Variants in AGBL4 observed in about 807,000 individuals in gnomAD.
AGBL4 encodes the protein AGBL carboxypeptidase 4, also known as cytosolic carboxypeptidase 6.
A neutral mutation model predicts 66.4 loss-of-function variants in AGBL4; 58 were observed. The observed-to-expected ratio is 0.87, with a 90% confidence interval of 0.71 to 1.09. The LOEUF is 1.09. Among genes scored for constraint, AGBL4 ranks in the 50% least tolerant of loss-of-function variants. The pLI is 0.00. For missense variants in AGBL4, 579 were observed against 631.0 expected (o/e 0.92, Z 0.88); for synonymous variants, 234 against 222.9 (o/e 1.05, Z -0.44).
At position 48,533,309 on chromosome 1, in the gene AGBL4, A is replaced by G. The variant is rs992092966; in HGVS notation, c.*864T>C. 1.3e-5 allele frequency: 2 copies of G among 152,130 alleles called. No individual in the cohort carries two copies. The highest frequency in any genetic ancestry group is 4.8e-5 in the African/African-American group (2 of 41,426). 9.4% of individuals were successfully genotyped at this position (152,130 alleles called of 1,614,324 possible). The stretch of plus-strand genomic sequence containing the variant: ...AGCTTGCCACACCTTGGGAATTGCT[A>G]CTACTGTTTTATTTTATCATTCCTC... On this transcript the variant is annotated 3_prime_UTR_variant, in exon 14 of 14. Transcript: ENST00000371839.
At chr1:49,975,856 G>A (rs1168747636) in intron 1 of AGBL4, among the ~76,000 whole-genome samples, 2 of 152,136 alleles carry the variant, frequency 1.3e-5, no homozygotes, top group Non-Finnish European at 2.9e-5. Context: ...CTACTACTAA[G>A]ACCATTATTG....
At chr1:49,750,884 CTGTT>C (rs757638253) in intron 2 of AGBL4, among the ~76,000 whole-genome samples, 9 of 152,270 alleles carry the variant, frequency 5.9e-5, no homozygotes, top group South Asian at 2.1e-4. Flanking sequence ...AGTTGGCTCT[CTGTT>C]TGTCTATTAT....
chr1:48,722,944 T>C (rs1191950056), intron 6 of AGBL4, among the ~76,000 whole-genome samples: 1 of 152,170 alleles, frequency 6.6e-6, no homozygotes, highest in Non-Finnish European at 1.5e-5. Context: ...ACTTAACTCT[T>C]GACATAATCC....
chr1:48,878,447 A>G (rs1283797811), intron 5 of AGBL4, among the ~76,000 whole-genome samples: 2 of 152,180 alleles, frequency 1.3e-5, no homozygotes, highest in Non-Finnish European at 2.9e-5. Flanking sequence ...TCAGTTAAAT[A>G]CTTTGAAATG....
chr1:49,934,053 T>C (rs1653662864), intron 1 of AGBL4, among the ~76,000 whole-genome samples: 1 of 151,960 alleles, frequency 6.6e-6, no homozygotes, highest in Non-Finnish European at 1.5e-5. Context: ...GGGCTGAAAA[T>C]GAAGGCATAA....
At chr1:49,492,182 T>C (rs1647200729) in intron 3 of AGBL4, among the ~76,000 whole-genome samples, 1 of 151,880 alleles carries the variant, frequency 6.6e-6, no homozygotes, top group Non-Finnish European at 1.5e-5. Flanking sequence ...TCTGATAACA[T>C]GTCAGAAGGA....
intron 3 of AGBL4, among the ~76,000 whole-genome samples, chr1:49,347,584 G>T (rs1006114238): frequency 3.3e-5 from 5 of 152,042 alleles, no homozygotes; most frequent in African/African-American, 1.2e-4. Context: ...TTTCAGCTGG[G>T]CGTGGAGGCT....
chr1:49,171,308 C>T (rs1646734081), intron 4 of AGBL4, among the ~76,000 whole-genome samples: 1 of 152,226 alleles, frequency 6.6e-6, no homozygotes, highest in Middle Eastern at 3.4e-3. Flanking sequence ...AGTGGGTGGA[C>T]AGATATGAGG....
intron 6 of AGBL4, among the ~76,000 whole-genome samples, chr1:48,791,743 C>A (rs1312515664): frequency 6.6e-6 from 1 of 152,082 alleles, no homozygotes; most frequent in African/African-American, 2.4e-5. Context: ...GCATTTGATA[C>A]AATTAAATAA....
intron 4 of AGBL4, among the ~76,000 whole-genome samples, chr1:49,106,476 C>T (rs1181083977): frequency 6.6e-6 from 1 of 152,108 alleles, no homozygotes; most frequent in Non-Finnish European, 1.5e-5. Context: ...TACTGAATTC[C>T]CAGTGATTCT....
At chr1:48,677,530 AG>A (rs1646385090) in intron 6 of AGBL4, among the ~76,000 whole-genome samples, 1 of 152,166 alleles carries the variant, frequency 6.6e-6, no homozygotes, top group East Asian at 1.9e-4. Flanking sequence ...TACTTATATA[AG>A]CTCATTGGAT....
At chr1:49,398,363 C>A (rs1645016285) in intron 3 of AGBL4, among the ~76,000 whole-genome samples, 1 of 135,336 alleles carries the variant, frequency 7.4e-6, no homozygotes, top group Admixed American at 7.8e-5. Context: ...CTCTCTCTCT[C>A]TCTCGCTCCT....
chr1:49,181,015 G>C (rs2148186186), intron 4 of AGBL4, among the ~76,000 whole-genome samples: 1 of 152,252 alleles, frequency 6.6e-6, no homozygotes, highest in South Asian at 2.1e-4. Flanking sequence ...CTGCATGATA[G>C]AGCCAAATTC....
intron 3 of AGBL4, among the ~76,000 whole-genome samples, chr1:49,514,701 G>A (rs1267736493): frequency 1.3e-5 from 2 of 151,988 alleles, no homozygotes. Flanking sequence ...ATAGATCAAT[G>A]GAACACAACA....
At position 49,541,616 on chromosome 1, in the gene AGBL4, C is replaced by A. The variant is rs565645596; in HGVS notation, c.282+155697G>T. On this transcript the variant is annotated intron_variant, in intron 3 of 13. Coordinates refer to ENST00000371839, the MANE Select transcript of AGBL4 (RefSeq NM_032785.4). ...CAGCCCACCATGCCTGAGCCTCCCCCCTGCTGTGGGCTCCTGTGCAGCCCC... is the reference window on the plus strand; with the variant it reads ...CAGCCCACCATGCCTGAGCCTCCCCACTGCTGTGGGCTCCTGTGCAGCCCC... Among the ~76,000 whole-genome samples, 18 of 152,280 alleles carry A rather than the reference C, an allele frequency of 1.2e-4. No individual in the cohort carries two copies. The East Asian group carries it at 1.4e-3, about 12-fold the overall frequency.
At chr1:49,842,132 G>A (rs548753403) in intron 2 of AGBL4, 29 of 360,776 alleles carry the variant, frequency 8.0e-5, no homozygotes, top group South Asian at 7.7e-4. Context: ...CACAGCCTCT[G>A]CCTCTGAAAG....
At chr1:48,789,309 G>C (rs1418541404) in intron 6 of AGBL4, among the ~76,000 whole-genome samples, 1 of 132,456 alleles carries the variant, frequency 7.5e-6, no homozygotes, top group Non-Finnish European at 1.6e-5. Context: ...TTTTTTTTGA[G>C]ACGGCATCTC....
At chr1:49,407,867 T>C (rs140537004) in intron 3 of AGBL4, among the ~76,000 whole-genome samples, 32 of 152,332 alleles carry the variant, frequency 2.1e-4, no homozygotes, top group Middle Eastern at 3.4e-3. Context: ...AAAATATCTG[T>C]ATGATGTGTG....
At chr1:49,676,876 T>C (rs912485409) in intron 3 of AGBL4, among the ~76,000 whole-genome samples, 3 of 152,084 alleles carry the variant, frequency 2.0e-5, no homozygotes, top group Admixed American at 1.3e-4. Context: ...TTATGTAACA[T>C]TGCTTCTTAA....
Sources: gnomAD v4.1 joint callset for allele counts (sites outside exome capture counted in the v4.1 genomes callset) on GRCh38, gnomAD v4.1.1 for gene constraint, MANE v1.5 for transcripts, NCBI Gene and HGNC (gene_info 2026-07-23, HGNC 2026-07-21) for gene names.